The following BRINP3 variants were observed in gnomAD, a reference collection of about 807,000 sequenced individuals.
BRINP3 encodes the protein BMP/retinoic acid-inducible neural-specific protein 3.
In BRINP3, 19 loss-of-function variants were observed where a neutral mutation model predicts 71.0. The observed-to-expected ratio is 0.27, with a 90% CI of 0.19 to 0.39. The LOEUF is 0.39. BRINP3 is among the 10% of genes least tolerant of loss of function. The pLI, the probability that BRINP3 is intolerant of heterozygous loss-of-function variation, is 1.00. For missense variants in BRINP3, 959 were observed against 940.8 expected (o/e 1.02, Z -0.25); for synonymous variants, 380 against 337.7 (o/e 1.13, Z -1.37).
chr1:190,234,006 T>C (rs892126551), intron 5 of BRINP3, among the ~76,000 whole-genome samples: 6 of 152,140 alleles, frequency 3.9e-5, no homozygotes, highest in Non-Finnish European at 8.8e-5. Flanking sequence ...TTTTATACCA[T>C]GCATAAATAT....
intron 6 of BRINP3, 34 bp from the exon 7 acceptor site, chr1:190,160,924 G>C: frequency 3.4e-6 from 5 of 1,469,520 alleles, no homozygotes; most frequent in Non-Finnish European, 4.7e-6. Flanking sequence ...CTTTAATTAT[G>C]AAACAATTAT....
intron 6 of BRINP3, among the ~76,000 whole-genome samples, chr1:190,211,220 C>T (rs1201801554): frequency 6.6e-6 from 1 of 152,034 alleles, no homozygotes; most frequent in East Asian, 1.9e-4. Flanking sequence ...GATCTGAGAT[C>T]GTGCCACTGC....
At chr1:190,371,597 T>C (rs1669870513) in intron 2 of BRINP3, among the ~76,000 whole-genome samples, 1 of 152,168 alleles carries the variant, frequency 6.6e-6, no homozygotes, top group Non-Finnish European at 1.5e-5. Context: ...TATTTTGAAG[T>C]CAGGTAGTGT....
chr1:190,469,856 G>T (rs563942771), intron 1 of BRINP3, among the ~76,000 whole-genome samples: 1 of 151,112 alleles, frequency 6.6e-6, no homozygotes, highest in African/African-American at 2.4e-5. Flanking sequence ...CCTTCATGCA[G>T]ATATGTGCTT....
At chr1:190,104,152 GA>G (rs1210054584) in intron 7 of BRINP3, among the ~76,000 whole-genome samples, 2 of 151,946 alleles carry the variant, frequency 1.3e-5, no homozygotes, top group East Asian at 3.9e-4. Flanking sequence ...CAACCTCAGG[GA>G]AAACAGTCAT....
At chr1:190,145,491 C>T (rs911778636) in intron 7 of BRINP3, among the ~76,000 whole-genome samples, 1 of 152,074 alleles carries the variant, frequency 6.6e-6, no homozygotes, top group Admixed American at 6.6e-5. Context: ...TTTCTTTGAA[C>T]AAAGGATTAA....
At chr1:190,210,189 A>G (rs1005670598) in intron 6 of BRINP3, among the ~76,000 whole-genome samples, 6 of 152,140 alleles carry the variant, frequency 3.9e-5, no homozygotes, top group African/African-American at 1.4e-4. Flanking sequence ...TTTTATCAAA[A>G]TTATCCAAAT....
chr1:190,125,220 C>G (rs532422651), intron 7 of BRINP3, among the ~76,000 whole-genome samples: 21 of 151,988 alleles, frequency 1.4e-4, no homozygotes, highest in African/African-American at 5.1e-4. Flanking sequence ...GTAAAGAGCT[C>G]TGTCATCAAG....
intron 6 of BRINP3, among the ~76,000 whole-genome samples, chr1:190,193,180 C>G (rs977090567): frequency 2.0e-5 from 3 of 151,776 alleles, no homozygotes; most frequent in African/African-American, 7.3e-5. Flanking sequence ...ACTTAATGGG[C>G]TTCCTTAGAA....
intron 6 of BRINP3, among the ~76,000 whole-genome samples, chr1:190,206,967 G>GTT (rs1180751534): frequency 6.9e-6 from 1 of 144,562 alleles, no homozygotes; most frequent in African/African-American, 2.5e-5. Context: ...TCATGTTTGG[G>GTT]TTTTTTTTTT....
At chr1:190,275,872 C>A (rs1662508747) in intron 3 of BRINP3, among the ~76,000 whole-genome samples, 1 of 151,034 alleles carries the variant, frequency 6.6e-6, no homozygotes. Context: ...TAGATAACTG[C>A]CTTGTAAACA....
At chr1:190,447,460 A>C (rs1240973935) in intron 2 of BRINP3, among the ~76,000 whole-genome samples, 1 of 147,184 alleles carries the variant, frequency 6.8e-6, no homozygotes, top group Non-Finnish European at 1.5e-5. Flanking sequence ...TCCCTTTTCT[A>C]GTGTGGAAAA....
intron 7 of BRINP3, among the ~76,000 whole-genome samples, chr1:190,106,019 T>A (rs1652129748): frequency 6.6e-6 from 1 of 151,948 alleles, no homozygotes; most frequent in African/African-American, 2.4e-5. Context: ...CACTAAATCA[T>A]ATATATTAAA....
At chr1:190,267,925 T>G (rs1399969303) in intron 3 of BRINP3, among the ~76,000 whole-genome samples, 1 of 152,072 alleles carries the variant, frequency 6.6e-6, no homozygotes, top group Non-Finnish European at 1.5e-5. Context: ...GTAAAACTTC[T>G]AAATCTATTT....
chr1:190,145,120 T>C (rs1031138775), intron 7 of BRINP3, among the ~76,000 whole-genome samples: 4 of 152,128 alleles, frequency 2.6e-5, no homozygotes, highest in African/African-American at 9.7e-5. Context: ...CCCCACTAAA[T>C]TATTAACTCA....
At chr1:190,200,156 T>G (rs1376150602) in intron 6 of BRINP3, among the ~76,000 whole-genome samples, 1 of 152,134 alleles carries the variant, frequency 6.6e-6, no homozygotes, top group African/African-American at 2.4e-5. Flanking sequence ...TTATTTATAT[T>G]GGAATTTGTT....
At chr1:190,406,205 G>C (rs1169694502) in intron 2 of BRINP3, among the ~76,000 whole-genome samples, 1 of 152,106 alleles carries the variant, frequency 6.6e-6, no homozygotes, top group African/African-American at 2.4e-5. Context: ...GGATATACAG[G>C]CTATCTCAGC....
At chr1:190,188,421 G>A (rs1005840103) in intron 6 of BRINP3, among the ~76,000 whole-genome samples, 1 of 152,094 alleles carries the variant, frequency 6.6e-6, no homozygotes. Flanking sequence ...AGTTGCAAGA[G>A]TCTTTTTGTC....
chr1:190,131,982 T>C lies in BRINP3; in HGVS notation c.1184+28686A>G, dbSNP rs1654582344. On this transcript the variant is annotated intron_variant, in intron 7 of 7. Transcript: ENST00000367462. ...AAATGTGCAGCGAAGTTTTAAACTG[T>C]CTATCCTGGCTAGTGTGTAGAAGCA... Among the ~76,000 whole-genome samples the C allele has an allele frequency of 3.3e-5, 5 of 152,056 alleles. No individual in the cohort carries two copies. In the South Asian group the frequency reaches 1.0e-3, roughly 31 times the overall value.
Sources: gnomAD v4.1 joint callset for allele counts (sites outside exome capture counted in the v4.1 genomes callset) on GRCh38, gnomAD v4.1.1 for gene constraint, MANE v1.5 for transcripts, NCBI Gene and HGNC (gene_info 2026-07-23, HGNC 2026-07-21) for gene names.